Variants in BACH2 observed in about 807,000 individuals in gnomAD.
BACH2 encodes the protein transcription regulator protein BACH2.
A neutral mutation model predicts 61.8 loss-of-function variants in BACH2; 5 were observed. The ratio of observed to expected loss-of-function variants is 0.08; its 90% CI spans 0.04 to 0.17. BACH2 has a LOEUF of 0.17. Ranked by LOEUF, BACH2 falls within the 10% of genes least tolerant of loss-of-function variation. The pLI is 1.00. For synonymous variants in BACH2, 446 were observed against 440.1 expected (o/e 1.01, Z -0.17); for missense variants, 824 against 1,091.1 (o/e 0.76, Z 3.45).
At chr6:90,137,201 A>G (rs759198069) in intron 4 of BACH2, among the ~76,000 whole-genome samples, 3 of 152,196 alleles carry the variant, frequency 2.0e-5, no homozygotes, top group African/African-American at 4.8e-5. Flanking sequence ...GAATACTCAC[A>G]CTAACATTTC....
intron 1 of BACH2, among the ~76,000 whole-genome samples, chr6:90,294,975 T>G (rs946327507): frequency 9.9e-5 from 15 of 152,272 alleles, no homozygotes; most frequent in African/African-American, 3.6e-4. Flanking sequence ...GAAAGGATTT[T>G]TATCTAAAGT....
At chr6:90,165,597 C>A (rs1282055378) in intron 4 of BACH2, among the ~76,000 whole-genome samples, 3 of 152,090 alleles carry the variant, frequency 2.0e-5, no homozygotes, top group Non-Finnish European at 4.4e-5. Flanking sequence ...CCCGCATCGC[C>A]AAGTCAATCC....
At chr6:90,219,829 G>A (rs1209388293) in intron 3 of BACH2, among the ~76,000 whole-genome samples, 2 of 151,634 alleles carry the variant, frequency 1.3e-5, no homozygotes, top group African/African-American at 4.9e-5. Flanking sequence ...CCCGAAGTTT[G>A]CCTCTGCATT....
At chr6:89,939,287 T>C (rs530877857) in intron 7 of BACH2, among the ~76,000 whole-genome samples, 23 of 152,254 alleles carry the variant, frequency 1.5e-4, no homozygotes, top group Admixed American at 1.4e-3. Context: ...CCTGGAAAGA[T>C]TCTCTAGCCC....
At chr6:90,019,997 T>G (rs1778289479) in intron 5 of BACH2, among the ~76,000 whole-genome samples, 1 of 152,254 alleles carries the variant, frequency 6.6e-6, no homozygotes. Flanking sequence ...AGTATTAGTT[T>G]TGTTCATCAA....
At chr6:89,981,976 T>C (rs1249455376) in intron 6 of BACH2, among the ~76,000 whole-genome samples, 1 of 151,974 alleles carries the variant, frequency 6.6e-6, no homozygotes, top group Admixed American at 6.6e-5. Context: ...GAGATTTCTT[T>C]CTTTTTTTTT....
chr6:90,194,387 T>G (rs574992522), intron 4 of BACH2, among the ~76,000 whole-genome samples: 2 of 152,070 alleles, frequency 1.3e-5, no homozygotes, highest in South Asian at 2.1e-4. Flanking sequence ...AGACTTAGAG[T>G]TATAGTTCAA....
chr6:90,028,014 A>G (rs1778723784), intron 5 of BACH2, among the ~76,000 whole-genome samples: 1 of 152,184 alleles, frequency 6.6e-6, no homozygotes, highest in East Asian at 1.9e-4. Flanking sequence ...GGAAGGGCCA[A>G]TTTGCTTAAT....
At chr6:90,026,173 T>C (rs546960500) in intron 5 of BACH2, among the ~76,000 whole-genome samples, 1 of 152,310 alleles carries the variant, frequency 6.6e-6, no homozygotes, top group East Asian at 1.9e-4. Context: ...ATTTCAACTT[T>C]AGCATTTCTG....
In BACH2 at chr6:90,290,666, A is replaced by G. The variant is rs574545969; in HGVS notation, c.-446+5814T>C. On this transcript the variant is annotated intron_variant, in intron 1 of 8. Transcript: ENST00000257749. ...TTTGTTTCCTACTTGTGGAATGGAA[A>G]TCATCACATTGGGATCTCCCAACTT... Among the ~76,000 whole-genome samples, 3 of 152,362 alleles carry G rather than the reference A, an allele frequency of 2.0e-5. No homozygotes were observed. The South Asian group carries it at 6.2e-4, about 32-fold the overall frequency.
At chr6:89,967,370 A>T (rs750715306) in intron 6 of BACH2, among the ~76,000 whole-genome samples, 1 of 152,172 alleles carries the variant, frequency 6.6e-6, no homozygotes, top group Non-Finnish European at 1.5e-5. Flanking sequence ...GGTGAATCAA[A>T]CTATTTCTGA....
chr6:90,116,482 G>C (rs1783403928), intron 4 of BACH2, among the ~76,000 whole-genome samples: 1 of 152,116 alleles, frequency 6.6e-6, no homozygotes, highest in Non-Finnish European at 1.5e-5. Context: ...ATGAACACTG[G>C]GGTCTACTTG....
chr6:90,009,746 C>A (rs953597759), intron 5 of BACH2, among the ~76,000 whole-genome samples: 2 of 152,330 alleles, frequency 1.3e-5, no homozygotes, highest in East Asian at 1.9e-4. Context: ...CTCACTGCAA[C>A]CTCCACCTCC....
At chr6:90,137,470 C>A (rs1176893019) in intron 4 of BACH2, among the ~76,000 whole-genome samples, 1 of 152,134 alleles carries the variant, frequency 6.6e-6, no homozygotes, top group Non-Finnish European at 1.5e-5. Context: ...TAGGGTGGGG[C>A]AAGGAGAATT....
intron 5 of BACH2, among the ~76,000 whole-genome samples, chr6:90,043,504 C>T (rs977420734): frequency 7.3e-6 from 1 of 136,564 alleles, no homozygotes; most frequent in African/African-American, 2.5e-5. Context: ...CCCTCCCTCC[C>T]TTCCTCCCTC....
At position 89,958,602 on chromosome 6, in the gene BACH2, G is replaced by A. The variant is rs540083913; in HGVS notation, c.244-6740C>T. On this transcript the variant is annotated intron_variant, in intron 6 of 8. Transcript: ENST00000257749. ...TTCTCCAAGGAGCTAACAAGTGACT[G>A]GGGAGACAGATGTTCAATATAAATG... Among the ~76,000 whole-genome samples, 32 of 152,308 alleles carry A rather than the reference G, an allele frequency of 2.1e-4. 1 individual carries two copies. In the South Asian group the frequency reaches 5.4e-3, roughly 26 times the overall value.
intron 5 of BACH2, among the ~76,000 whole-genome samples, chr6:90,011,418 GT>G (rs911081417): frequency 6.6e-6 from 1 of 150,906 alleles, no homozygotes; most frequent in African/African-American, 2.4e-5. Context: ...GTCTACTTTT[GT>G]TTTTTTTGGA....
chr6:90,256,082 C>T (rs80106891), intron 2 of BACH2, among the ~76,000 whole-genome samples: 2,840 of 152,240 alleles, frequency 0.019, 37 homozygotes, highest in Admixed American at 0.035. Flanking sequence ...AGCAACTTCA[C>T]CAGTGAACTC....
chr6:90,090,877 C>T (rs1474394601), intron 4 of BACH2, among the ~76,000 whole-genome samples: 1 of 152,028 alleles, frequency 6.6e-6, no homozygotes, highest in African/African-American at 2.4e-5. Flanking sequence ...TTTGCTCTTC[C>T]TCAGGATGGC....
Sources: allele counts gnomAD v4.1 joint callset (sites outside exome capture counted in the v4.1 genomes callset), GRCh38; gene constraint gnomAD v4.1.1; transcripts MANE v1.5; gene names NCBI Gene and HGNC (gene_info 2026-07-23, HGNC 2026-07-21).